RYR2: variants seen among roughly 807,000 people sequenced by gnomAD.
The protein encoded by RYR2 is ryanodine receptor 2.
RYR2 carries 227 observed loss-of-function variants against 601.1 expected under a neutral mutation model. The ratio of observed to expected loss-of-function variants is 0.38; its 90% confidence interval spans 0.34 to 0.42. The LOEUF (loss-of-function observed/expected upper bound fraction) is 0.42. RYR2 is among the 10% of genes least tolerant of loss of function. The pLI, the probability that RYR2 is intolerant of heterozygous loss-of-function variation, is 1.00. For missense variants in RYR2, 4,646 were observed against 6,156.5 expected (o/e 0.75, Z 8.21); for synonymous variants, 2,223 against 2,175.1 (o/e 1.02, Z -0.61).
rs1398989207 is a variant in RYR2 at position 237,726,306 on chromosome 1, C to T, written c.10723C>T (p.Leu3575=). The change falls in exon 75 of 105, where the codon CTG becomes TTG. Residue 3575 remains leucine, a splice_region_variant and synonymous_variant. Transcript: ENST00000366574. ...SKRVGRRHYC[L]VEHPQRSKKA... ...ACGTGTGGGTCGGAGACATTACTGT[C>T]TGGGAAGTACAGTGCTCAATGGCCT... 2 of 1,582,684 alleles carry T rather than the reference C, an allele frequency of 1.3e-6. No homozygotes were observed. The highest frequency in any genetic ancestry group is 1.7e-6 in the Non-Finnish European group (2 of 1,157,578).
intron 29 of RYR2, 76 bp from the exon 30 acceptor site, chr1:237,589,717 C>T: frequency 1.4e-6 from 2 of 1,432,276 alleles, no homozygotes; most frequent in Admixed American, 1.9e-5. Context: ...GGTCCTGGAA[C>T]AATATGTTTG....
intron 1 of RYR2, among the ~76,000 whole-genome samples, chr1:237,150,711 G>A (rs976267263): frequency 2.6e-5 from 4 of 152,160 alleles, no homozygotes; most frequent in African/African-American, 9.7e-5. Context: ...CATAGATTTG[G>A]AGAATTTGAC....
intron 6 of RYR2, among the ~76,000 whole-genome samples, chr1:237,372,612 A>G (rs1482516656): frequency 1.3e-5 from 2 of 152,266 alleles, no homozygotes; most frequent in Non-Finnish European, 2.9e-5. Context: ...TTAAAATTTA[A>G]TGAAAACAAT....
intron 100 of RYR2, among the ~76,000 whole-genome samples, chr1:237,817,296 T>C (rs917581344): frequency 1.1e-4 from 16 of 152,212 alleles, no homozygotes; most frequent in Admixed American, 7.9e-4. Flanking sequence ...GAACTCATAG[T>C]TGAACTATGA....
chr1:237,257,365 A>G (rs1049252732), intron 1 of RYR2, among the ~76,000 whole-genome samples: 2 of 152,196 alleles, frequency 1.3e-5, no homozygotes, highest in African/African-American at 2.4e-5. Context: ...TCTGTGCCAG[A>G]TGCTGTGCTA....
At chr1:237,809,923 ATAAT>A (rs751405281) in intron 100 of RYR2, among the ~76,000 whole-genome samples, 3 of 152,206 alleles carry the variant, frequency 2.0e-5, no homozygotes, top group Non-Finnish European at 4.4e-5. Context: ...GAAATGAAAA[ATAAT>A]TTAATAAATG....
chr1:237,422,568 C>A (rs1397047496), intron 11 of RYR2, among the ~76,000 whole-genome samples: 1 of 151,990 alleles, frequency 6.6e-6, no homozygotes, highest in Non-Finnish European at 1.5e-5. Context: ...GAATACATTT[C>A]TTTTGTCAGG....
At position 237,530,494 on chromosome 1, in the gene RYR2, A is replaced by C. The variant is rs1362839960; in HGVS notation, c.2890A>C (p.Met964Leu). ...DEHAEDKVKKMKLPKNYQLTS... is the reference protein window; with the variant it reads ...DEHAEDKVKKLKLPKNYQLTS... ...ACATGCTGAAGACAAGGTGAAAAAA[A>C]TGAAGCTACCCAAGAAGTAAGTTGA... is the stretch of plus-strand genomic sequence containing the variant. The change falls in exon 25 of 105, where the codon ATG (methionine) becomes CTG (leucine). Residue 964 changes from methionine (M) to leucine (L), a missense_variant. Coordinates refer to ENST00000366574, the MANE Select transcript of RYR2 (RefSeq NM_001035.3). The C allele has an allele frequency of 1.2e-6, 2 of 1,604,254 alleles. No individual in the cohort carries two copies. Among genetic ancestry groups the C allele is most frequent in the Non-Finnish European group, 1.7e-6 (2 of 1,174,958 alleles).
At chr1:237,682,976 T>C (rs1686022858) in intron 62 of RYR2, among the ~76,000 whole-genome samples, 2 of 152,214 alleles carry the variant, frequency 1.3e-5, no homozygotes, top group African/African-American at 4.8e-5. Flanking sequence ...CTGTACAAAA[T>C]GCTGTGCAGT....
intron 8 of RYR2, among the ~76,000 whole-genome samples, chr1:237,384,982 C>T (rs926364240): frequency 6.6e-6 from 1 of 152,026 alleles, no homozygotes; most frequent in Non-Finnish European, 1.5e-5. Context: ...CTCTGCCTCC[C>T]GGGTTCACAC....
chr1:237,717,191 TC>T lies in RYR2; in HGVS notation c.10324-5del. The stretch of plus-strand genomic sequence containing the variant: ...TTCAGATCCCAGCACTTCTCTTTGT[TC>T]CATAGGCAGCTGTTTCTGATCAGGA... On this transcript the variant is annotated splice_region_variant and splice_polypyrimidine_tract_variant and intron_variant, in intron 71 of 104. Transcript: ENST00000366574. 6.2e-7 allele frequency: 1 copy of T among 1,612,930 alleles called. No homozygotes were observed. Among genetic ancestry groups the T allele is most frequent in the Non-Finnish European group, 8.5e-7 (1 of 1,179,316 alleles).
At chr1:237,243,269 C>A (rs611392) in intron 1 of RYR2, among the ~76,000 whole-genome samples, 129,287 of 152,052 alleles carry the variant, frequency 0.85, 57,746 homozygotes, top group East Asian at 1. Flanking sequence ...TCCCCACAAG[C>A]CCCCAGTAAC....
chr1:237,732,073 G>T lies in RYR2; in HGVS notation c.10963G>T (p.Asp3655Tyr). The change falls in exon 78 of 105, where the codon GAT (aspartate) becomes TAT (tyrosine). Residue 3655 changes from aspartate to tyrosine, a missense_variant. This residue lies in a region of RYR2 where 1,497 missense variants were observed against 1,842.6 expected (regional missense o/e 0.81). Transcript: ENST00000366574. ...ACCTGGGGCTGAACCTCCAGAAGAAGATGAAGGCACTAAGAGAGTTGATCC... is the reference window on the plus strand; with the variant it reads ...ACCTGGGGCTGAACCTCCAGAAGAATATGAAGGCACTAAGAGAGTTGATCC... ...AKPGAEPPEE[D>Y]EGTKRVDPLH... 7.5e-6 allele frequency: 12 copies of T among 1,608,590 alleles called. No individual in the cohort carries two copies. Among genetic ancestry groups the T allele is most frequent in the Non-Finnish European group, 1.0e-5 (12 of 1,176,510 alleles).
chr1:237,753,308 TAAGAC>T (rs1460456010), intron 80 of RYR2, among the ~76,000 whole-genome samples: 1 of 152,228 alleles, frequency 6.6e-6, no homozygotes, highest in Non-Finnish European at 1.5e-5. Flanking sequence ...TTTTCTCACA[TAAGAC>T]AAGTTGTCGA....
chr1:237,420,045 C>G (rs1010280168), intron 11 of RYR2, among the ~76,000 whole-genome samples: 4 of 151,810 alleles, frequency 2.6e-5, no homozygotes, highest in South Asian at 2.1e-4. Flanking sequence ...AGATCCTATA[C>G]TATATATTTG....
chr1:237,674,013 G>A (rs1685177231), intron 58 of RYR2, 83 bp from the exon 59 acceptor site: 3 of 1,090,286 alleles, frequency 2.8e-6, no homozygotes, highest in Non-Finnish European at 4.1e-6. Flanking sequence ...AAGTTTTATA[G>A]TGTGGTCCAA....
chr1:237,337,514 C>A (rs61832488), intron 3 of RYR2, among the ~76,000 whole-genome samples: 1 of 152,194 alleles, frequency 6.6e-6, no homozygotes, highest in African/African-American at 2.4e-5. Context: ...TCCCTGAGTT[C>A]ATTTCCTGGT....
At chr1:237,771,114 G>A (rs1246024447) in intron 85 of RYR2, among the ~76,000 whole-genome samples, 2 of 152,022 alleles carry the variant, frequency 1.3e-5, no homozygotes, top group African/African-American at 4.8e-5. Context: ...TTTGATGTTA[G>A]GGAAGACACA....
intron 1 of RYR2, among the ~76,000 whole-genome samples, chr1:237,158,446 T>A (rs1401496541): frequency 2.0e-5 from 3 of 152,238 alleles, no homozygotes. Context: ...ATCCTTTTCA[T>A]ATATGCCTTC....
Sources: gnomAD v4.1 joint callset for allele counts (sites outside exome capture counted in the v4.1 genomes callset) on GRCh38, gnomAD v4.1.1 for gene constraint, gnomAD v4.1.1 regional missense constraint, MANE v1.5 for transcripts, NCBI Gene and HGNC (gene_info 2026-07-23, HGNC 2026-07-21) for gene names.